The following SEMA6D variants were observed in gnomAD, a reference collection of about 807,000 sequenced individuals.
SEMA6D encodes the protein semaphorin-6D.
SEMA6D carries 35 observed loss-of-function variants against 106.6 expected under a neutral mutation model. The ratio of observed to expected loss-of-function variants is 0.33; its 90% CI spans 0.25 to 0.44. SEMA6D has a LOEUF of 0.44. Ranked by LOEUF, SEMA6D falls within the 20% of genes least tolerant of loss-of-function variation. The pLI, the probability that SEMA6D is intolerant of heterozygous loss-of-function variation, is 1.00. For synonymous variants in SEMA6D, 499 were observed against 487.7 expected (o/e 1.02, Z -0.31); for missense variants, 1,185 against 1,345.9 (o/e 0.88, Z 1.87).
chr15:47,387,689 G>A (rs1380069704), intron 1 of SEMA6D, among the ~76,000 whole-genome samples: 1 of 152,132 alleles, frequency 6.6e-6, no homozygotes, highest in Non-Finnish European at 1.5e-5. Context: ...AGATAAAGTT[G>A]GGATCTCATT....
At chr15:47,308,047 T>A (rs927990275) in intron 1 of SEMA6D, among the ~76,000 whole-genome samples, 5 of 151,856 alleles carry the variant, frequency 3.3e-5, no homozygotes, top group African/African-American at 1.2e-4. Flanking sequence ...TTTTTTTTTT[T>A]ACAGATAGTT....
At chr15:47,489,257 T>C (rs2043390837) in intron 3 of SEMA6D, among the ~76,000 whole-genome samples, 1 of 152,120 alleles carries the variant, frequency 6.6e-6, no homozygotes, top group Non-Finnish European at 1.5e-5. Flanking sequence ...CTCTGGAGTC[T>C]TTGGAGGGGG....
chr15:47,219,475 C>G (rs2030985335), intron 1 of SEMA6D, among the ~76,000 whole-genome samples: 1 of 152,180 alleles, frequency 6.6e-6, no homozygotes. Context: ...GATTACTGTC[C>G]TCCTGGTATG....
chr15:47,686,033 T>C (rs1566985784), intron 4 of SEMA6D, among the ~76,000 whole-genome samples: 1 of 152,116 alleles, frequency 6.6e-6, no homozygotes, highest in African/African-American at 2.4e-5. Context: ...ATTGCAGACA[T>C]TCAGCTACTA....
At chr15:47,463,998 A>G (rs58921778) in intron 2 of SEMA6D, among the ~76,000 whole-genome samples, 3,090 of 152,222 alleles carry the variant, frequency 0.02, 113 homozygotes, top group African/African-American at 0.071. Flanking sequence ...TCATAAGGAT[A>G]CATACACATG....
intron 1 of SEMA6D, among the ~76,000 whole-genome samples, chr15:47,215,028 T>C (rs1205694467): frequency 1.3e-5 from 2 of 151,760 alleles, no homozygotes. Flanking sequence ...CATGATCTGA[T>C]GACTGTTTTA....
At chr15:47,225,373 T>C (rs753494634) in intron 1 of SEMA6D, among the ~76,000 whole-genome samples, 1 of 151,914 alleles carries the variant, frequency 6.6e-6, no homozygotes, top group Admixed American at 6.6e-5. Context: ...TGGGATCCCA[T>C]TGCTGTTTTA....
chr15:47,254,094 GT>G (rs368208096), intron 1 of SEMA6D, among the ~76,000 whole-genome samples: 7 of 149,440 alleles, frequency 4.7e-5, no homozygotes, highest in South Asian at 2.1e-4. Context: ...ATTGCTAGGT[GT>G]TTTTTTTTGT....
At chr15:47,336,723 A>G (rs1192000954) in intron 1 of SEMA6D, among the ~76,000 whole-genome samples, 1 of 152,140 alleles carries the variant, frequency 6.6e-6, no homozygotes, top group East Asian at 1.9e-4. Flanking sequence ...TTTACAGGCA[A>G]GGAGACTCTT....
intron 1 of SEMA6D, among the ~76,000 whole-genome samples, chr15:47,276,661 C>G (rs1437791101): frequency 2.0e-5 from 3 of 152,176 alleles, no homozygotes; most frequent in Non-Finnish European, 2.9e-5. Context: ...ATTGACAATG[C>G]TCCTAGTCAC....
chr15:47,328,548 G>T (rs929174508), intron 1 of SEMA6D, among the ~76,000 whole-genome samples: 4 of 152,208 alleles, frequency 2.6e-5, no homozygotes, highest in African/African-American at 7.2e-5. Flanking sequence ...ATTTGCTCTA[G>T]ATCCTCATCA....
chr15:47,342,614 A>G (rs2037864949), intron 1 of SEMA6D, among the ~76,000 whole-genome samples: 1 of 152,190 alleles, frequency 6.6e-6, no homozygotes, highest in Non-Finnish European at 1.5e-5. Context: ...TAAAATCTAA[A>G]ATTATTATGA....
At chr15:47,754,096 T>C (rs1010686103) in intron 1 of SEMA6D, among the ~76,000 whole-genome samples, 2 of 152,122 alleles carry the variant, frequency 1.3e-5, no homozygotes, top group African/African-American at 4.8e-5. Context: ...GCTATAACCA[T>C]AACAAGAACT....
At chr15:47,348,705 ACACACACACACAC>A (rs1317101276) in intron 1 of SEMA6D, among the ~76,000 whole-genome samples, 30 of 35,634 alleles carry the variant, frequency 8.4e-4, no homozygotes, top group Middle Eastern at 0.012. Flanking sequence ...ACACACACAC[ACACACACACACAC>A]CACACACACA....
chr15:47,489,031 A>G (rs1014421261), intron 3 of SEMA6D, among the ~76,000 whole-genome samples: 2 of 152,194 alleles, frequency 1.3e-5, no homozygotes, highest in African/African-American at 4.8e-5. Flanking sequence ...GGGGAAAAAC[A>G]AGGTCTTCAC....
intron 4 of SEMA6D, among the ~76,000 whole-genome samples, chr15:47,624,138 G>A (rs572072953): frequency 1.2e-4 from 19 of 152,158 alleles, no homozygotes; most frequent in Admixed American, 2.6e-4. Flanking sequence ...TGCACCTATT[G>A]TCTAGAACGT....
intron 1 of SEMA6D, among the ~76,000 whole-genome samples, chr15:47,223,824 C>G (rs2031419987): frequency 6.6e-6 from 1 of 152,024 alleles, no homozygotes; most frequent in Non-Finnish European, 1.5e-5. Flanking sequence ...TTGAATTCCT[C>G]TTTTTATTTC....
chr15:47,210,383 T>A (rs979248109), intron 1 of SEMA6D, among the ~76,000 whole-genome samples: 2 of 152,156 alleles, frequency 1.3e-5, no homozygotes, highest in African/African-American at 4.8e-5. Context: ...GCTGTGATAT[T>A]TTTTAGGATA....
intron 3 of SEMA6D, among the ~76,000 whole-genome samples, chr15:47,512,818 A>G (rs771258368): frequency 3.3e-5 from 5 of 152,234 alleles, no homozygotes; most frequent in Non-Finnish European, 7.3e-5. Context: ...CTCTGAGTCA[A>G]CTAAGTGTTG....
Sources: allele counts gnomAD v4.1 joint callset (sites outside exome capture counted in the v4.1 genomes callset), GRCh38; gene constraint gnomAD v4.1.1; transcripts MANE v1.5; gene names NCBI Gene and HGNC (gene_info 2026-07-23, HGNC 2026-07-21).